EIF3D: variants seen among roughly 807,000 people sequenced by gnomAD.
EIF3D encodes eIF3 p66.
EIF3D carries 10 observed loss-of-function variants against 75.4 expected under a neutral mutation model. That is an observed-to-expected ratio of 0.13 (90% CI 0.08 to 0.22). EIF3D has a LOEUF of 0.22. Ranked by LOEUF, EIF3D falls within the 10% of genes least tolerant of loss-of-function variation. EIF3D has a pLI of 1.00. For synonymous variants in EIF3D, 246 were observed against 248.3 expected (o/e 0.99, Z 0.09); for missense variants, 394 against 708.0 (o/e 0.56, Z 5.03).
intron 8 of EIF3D, 150 bp from the exon 9 acceptor site, chr22:36,519,060 C>G: frequency 8.8e-7 from 1 of 1,137,526 alleles, no homozygotes; most frequent in South Asian, 1.6e-5. Context: ...AGCCAGTGAG[C>G]CAGCAAGTTT....
rs1444223899 is a variant in EIF3D, at chr22:36,516,804, G to C, written c.991-14C>G. ...TCTTTCCTTCCCCTGCAAAAACAAA[G>C]GTGTCACAAGACAGAGCTAACTTTG... On this transcript the variant is annotated splice_polypyrimidine_tract_variant and intron_variant, in intron 10 of 14. Coordinates refer to ENST00000216190, the MANE Select transcript of EIF3D (RefSeq NM_003753.4). The C allele has an allele frequency of 2.5e-6, 4 of 1,612,964 alleles. No individual in the cohort carries two copies. Among genetic ancestry groups the C allele is most frequent in the Admixed American group, 3.3e-5 (2 of 60,014 alleles).
At chr22:36,513,593 G>A (rs1331743608) in intron 12 of EIF3D, among the ~76,000 whole-genome samples, 10 of 152,200 alleles carry the variant, frequency 6.6e-5, no homozygotes, top group South Asian at 6.2e-4. Context: ...GTGAGCCACC[G>A]TGCCCGGCCA....
At chr22:36,527,506 T>C (rs755538210) in intron 1 of EIF3D, among the ~76,000 whole-genome samples, 3 of 152,180 alleles carry the variant, frequency 2.0e-5, no homozygotes, top group African/African-American at 4.8e-5. Flanking sequence ...CTTCTGAAAA[T>C]GCTTAGAAGG....
chr22:36,515,723 C>T lies in EIF3D; in HGVS notation c.1206+755G>A, dbSNP rs553371267. ...GGAGCCAGCAAAGACGACATGCAAA[C>T]GGAACAGGGAAACGGGTGAGACCAG... On this transcript the variant is annotated intron_variant, in intron 12 of 14. Transcript: ENST00000216190. Among the ~76,000 whole-genome samples the T allele has an allele frequency of 3.3e-5, 5 of 152,166 alleles. No individual in the cohort carries two copies. The East Asian group carries it at 5.8e-4, about 18-fold the overall frequency.
chr22:36,515,006 G>T (rs1475163508), intron 12 of EIF3D, among the ~76,000 whole-genome samples: 1 of 152,124 alleles, frequency 6.6e-6, no homozygotes, highest in Admixed American at 6.5e-5. Context: ...TCCTGCTCTG[G>T]CCATGATGTG....
chr22:36,514,404 T>C (rs1055227057), intron 12 of EIF3D, among the ~76,000 whole-genome samples: 1 of 152,172 alleles, frequency 6.6e-6, no homozygotes, highest in African/African-American at 2.4e-5. Context: ...ATCACCCCCA[T>C]GATCATCCTA....
Position 36,519,552 on chromosome 22 carries a change from G to GGCAAAGACAT in EIF3D, c.579-25_579-16dup, listed in dbSNP as rs1568999935. On this transcript the variant is annotated splice_polypyrimidine_tract_variant and intron_variant, in intron 7 of 14. Transcript: ENST00000216190. ...CACAACACTCACTGTGGGAAGAGCAGGCAAAGACATGCAAAGTAAGAGAGA... is the reference window on the plus strand; with the variant it reads ...CACAACACTCACTGTGGGAAGAGCAGGCAAAGACATGCAAAGACATGCAAAGTAAGAGAGA... 6.2e-7 allele frequency: 1 copy of GGCAAAGACAT among 1,613,948 alleles called. No homozygotes were observed.
Position 36,526,026 on chromosome 22 carries a change from C to T in EIF3D, c.96G>A (p.Pro32=), listed in dbSNP as rs530417707. ...TTCCTAGCCGATCTCCTTTGCTGAACGGCTGGTAGGGCATATCCCGAAACT... is the reference window on the plus strand; with the variant it reads ...TTCCTAGCCGATCTCCTTTGCTGAATGGCTGGTAGGGCATATCCCGAAACT... ...PEQFRDMPYQ[P]FSKGDRLGKV... is the part of the protein sequence containing the mutation. The change falls in exon 2 of 15, where the codon CCG becomes CCA. Residue 32 remains proline, a synonymous_variant. Transcript: ENST00000216190. The T allele has an allele frequency of 1.6e-5, 26 of 1,613,016 alleles. No individual in the cohort carries two copies. The highest frequency in any genetic ancestry group is 5.0e-5 in the Admixed American group (3 of 59,780).
intron 11 of EIF3D, 33 bp downstream of exon 11, chr22:36,516,672 C>G (rs752556419): frequency 1.2e-6 from 2 of 1,614,200 alleles, no homozygotes; most frequent in South Asian, 2.2e-5. Context: ...GTGCTCCAGT[C>G]TGGCCACAAT....
At chr22:36,513,385 C>G (rs1388956321) in intron 12 of EIF3D, among the ~76,000 whole-genome samples, 1 of 152,074 alleles carries the variant, frequency 6.6e-6, no homozygotes. Context: ...TCACTGCAAC[C>G]TCCGCCTCCC....
At chr22:36,523,104 C>A in intron 6 of EIF3D, 105 bp downstream of exon 6, 2 of 964,022 alleles carry the variant, frequency 2.1e-6, no homozygotes, top group South Asian at 2.6e-5. Context: ...TTAAAAACCA[C>A]TAAATTGTAC....
Position 36,520,606 on chromosome 22 carries a change from C to G in EIF3D, c.548G>C (p.Arg183Pro). 1 of 1,613,116 alleles carries G rather than the reference C, an allele frequency of 6.2e-7. No homozygotes were observed. The change falls in exon 7 of 15, where the codon CGC becomes CCC. Residue 183 changes from arginine (R) to proline (P), a missense_variant. Arg to Pro is a moderately radical substitution (Grantham distance 103, BLOSUM62 -2). Transcript: ENST00000216190. ...EMDFPQLMKMRYLEVSEPQDI... is the reference protein window; with the variant it reads ...EMDFPQLMKMPYLEVSEPQDI... Reference sequence around the variant, plus strand: ...CTGTGGCTCTGATACTTCCAAGTAGCGCATCTTCATCAACTGAGGAAAATC... The same window carrying G: ...CTGTGGCTCTGATACTTCCAAGTAGGGCATCTTCATCAACTGAGGAAAATC...
chr22:36,515,628 G>A (rs1312067963), intron 12 of EIF3D, among the ~76,000 whole-genome samples: 2 of 152,206 alleles, frequency 1.3e-5, no homozygotes, highest in South Asian at 4.1e-4. Context: ...CTAATACAAA[G>A]TTATATAATA....
At chr22:36,528,262 G>A (rs185575833) in intron 1 of EIF3D, among the ~76,000 whole-genome samples, 4 of 152,056 alleles carry the variant, frequency 2.6e-5, no homozygotes. Context: ...AAAGATCAGG[G>A]GTTTGAGACC....
intron 1 of EIF3D, among the ~76,000 whole-genome samples, chr22:36,527,290 AG>A (rs1270550067): frequency 6.6e-6 from 1 of 152,242 alleles, no homozygotes; most frequent in Non-Finnish European, 1.5e-5. Context: ...TCTCCAGATA[AG>A]AAAACCAAAG....
intron 12 of EIF3D, among the ~76,000 whole-genome samples, chr22:36,513,309 T>C (rs982945313): frequency 6.8e-6 from 1 of 146,768 alleles, no homozygotes; most frequent in Non-Finnish European, 1.5e-5. Context: ...ATTTTTTTTC[T>C]TTTTTTTTTT....
intron 1 of EIF3D, among the ~76,000 whole-genome samples, chr22:36,527,152 C>T (rs942440372): frequency 1.3e-5 from 2 of 152,230 alleles, no homozygotes; most frequent in Non-Finnish European, 2.9e-5. Context: ...CCCCACAGAC[C>T]TCAGGCCCAA....
intron 12 of EIF3D, chr22:36,516,207 T>C (rs1934424059): frequency 2.9e-6 from 1 of 343,906 alleles, no homozygotes; most frequent in Non-Finnish European, 5.3e-6. Context: ...ATGAAGAAAG[T>C]ACTGGAAGAA....
In EIF3D at chr22:36,512,624, G is replaced by GAA. The variant is rs774131819; in HGVS notation, c.1207-24_1207-23dup. ...AGTGCTGCAGGAGAGCCCCGTTAGA[G>GAA]AAACAGAAGCAAGCTCCAAATGCCC... On this transcript the variant is annotated intron_variant, in intron 12 of 14. Coordinates refer to ENST00000216190, the MANE Select transcript of EIF3D (RefSeq NM_003753.4). The GAA allele has an allele frequency of 3.1e-6, 5 of 1,601,184 alleles. No individual in the cohort carries two copies. The African/African-American group carries it at 6.7e-5, about 21-fold the overall frequency.
Sources: gnomAD v4.1 joint callset for allele counts (sites outside exome capture counted in the v4.1 genomes callset) on GRCh38, gnomAD v4.1.1 for gene constraint, MANE v1.5 for transcripts, NCBI Gene and HGNC (gene_info 2026-07-23, HGNC 2026-07-21) for gene names.